Variants in CFAP299 observed in about 807,000 individuals in gnomAD.
The protein encoded by CFAP299 is cilia- and flagella-associated protein 299.
CFAP299 carries 21 observed loss-of-function variants against 27.0 expected under a neutral mutation model. That is an observed-to-expected ratio of 0.78 (90% CI 0.55 to 1.12). The LOEUF (loss-of-function observed/expected upper bound fraction) is 1.12, where lower values mean the gene tolerates loss of function less well. CFAP299 is among the 50% of genes most tolerant of loss of function. CFAP299 has a pLI of 0.00. For synonymous variants in CFAP299, 104 were observed against 98.1 expected, an observed-to-expected ratio of 1.06 and a Z score of -0.36; for missense variants, 310 against 276.6, an observed-to-expected ratio of 1.12 and a Z score of -0.86.
At chr4:80,412,987 T>G (rs1056082717) in intron 2 of CFAP299, among the ~76,000 whole-genome samples, 2 of 152,216 alleles carry the variant, frequency 1.3e-5, no homozygotes, top group African/African-American at 4.8e-5. Context: ...ATTTATTATA[T>G]ATGCATAAAA....
intron 3 of CFAP299, chr4:80,648,928 C>A (rs1247786623): frequency 6.6e-6 from 1 of 151,964 alleles, no homozygotes; most frequent in Non-Finnish European, 1.5e-5. Flanking sequence ...AAACTCTGTC[C>A]AAGCTTTCAA....
chr4:80,673,305 T>C lies in CFAP299; in HGVS notation c.333+90122T>C, dbSNP rs537007058. On this transcript the variant is annotated intron_variant, in intron 3 of 5. Coordinates refer to ENST00000358105, the MANE Select transcript of CFAP299 (RefSeq NM_152770.3). ...TCAGGAGCAGGTTGTTCAGTTTCCA[T>C]GTAGTTGAGCGGTTTTGAGTGAGTT... is the stretch of plus-strand genomic sequence containing the variant. Among the ~76,000 whole-genome samples, 14 of 152,312 alleles carry C rather than the reference T, an allele frequency of 9.2e-5. No homozygotes were observed. The East Asian group carries it at 2.5e-3, about 27-fold the overall frequency.
intron 2 of CFAP299, among the ~76,000 whole-genome samples, chr4:80,538,498 G>A (rs1164046474): frequency 2.6e-5 from 4 of 151,664 alleles, no homozygotes; most frequent in South Asian, 4.2e-4. Flanking sequence ...CTGACTCACC[G>A]AGAGCAACTT....
intron 1 of CFAP299, among the ~76,000 whole-genome samples, chr4:80,346,591 G>A (rs1722739789): frequency 6.6e-6 from 1 of 151,028 alleles, no homozygotes; most frequent in African/African-American, 2.4e-5. Context: ...TTGCATATGT[G>A]TGGTGTTATT....
At chr4:80,449,968 T>G (rs1728819635) in intron 2 of CFAP299, among the ~76,000 whole-genome samples, 1 of 152,174 alleles carries the variant, frequency 6.6e-6, no homozygotes, top group Non-Finnish European at 1.5e-5. Context: ...TCAAATTACT[T>G]ATTTTGTGCT....
intron 3 of CFAP299, among the ~76,000 whole-genome samples, chr4:80,776,148 G>T (rs914928795): frequency 6.6e-6 from 1 of 152,052 alleles, no homozygotes; most frequent in Non-Finnish European, 1.5e-5. Flanking sequence ...AACTGTTTAG[G>T]ACACAAGGAA....
chr4:80,567,089 A>G (rs1735338827), intron 2 of CFAP299, among the ~76,000 whole-genome samples: 1 of 152,074 alleles, frequency 6.6e-6, no homozygotes, highest in Non-Finnish European at 1.5e-5. Flanking sequence ...TGTAGATCTG[A>G]AGACTCCCAC....
intron 5 of CFAP299, among the ~76,000 whole-genome samples, chr4:80,948,550 T>C (rs1737592986): frequency 6.6e-6 from 1 of 152,094 alleles, no homozygotes; most frequent in Admixed American, 6.6e-5. Context: ...ACTTTTTTTT[T>C]ACTTTTCAAA....
At position 80,641,297 on chromosome 4, in the gene CFAP299, C is replaced by T. The variant is rs556912290; in HGVS notation, c.333+58114C>T. Reference sequence around the variant, plus strand: ...TCAGCTCACTACAACCTCTGACTCCCGGGTTCAAGTGATTCTCCTGACTCA... The same window carrying T: ...TCAGCTCACTACAACCTCTGACTCCTGGGTTCAAGTGATTCTCCTGACTCA... On this transcript the variant is annotated intron_variant, in intron 3 of 5. Coordinates refer to ENST00000358105, the MANE Select transcript of CFAP299 (RefSeq NM_152770.3). Among the ~76,000 whole-genome samples the T allele has an allele frequency of 2.6e-4, 40 of 152,202 alleles. 1 individual carries two copies. The highest frequency in any genetic ancestry group is 8.9e-4 in the African/African-American group (37 of 41,530).
At chr4:80,654,547 C>G (rs898111705) in intron 3 of CFAP299, among the ~76,000 whole-genome samples, 9 of 152,144 alleles carry the variant, frequency 5.9e-5, no homozygotes, top group African/African-American at 2.2e-4. Flanking sequence ...AGCATGTCCA[C>G]AGATCCACCT....
intron 3 of CFAP299, among the ~76,000 whole-genome samples, chr4:80,786,031 A>G (rs1204965956): frequency 1.3e-5 from 2 of 152,134 alleles, no homozygotes; most frequent in African/African-American, 2.4e-5. Flanking sequence ...TTAATGTTCA[A>G]AAGGACCTCC....
chr4:80,838,591 C>T (rs950977431), intron 3 of CFAP299, among the ~76,000 whole-genome samples: 77 of 152,146 alleles, frequency 5.1e-4, no homozygotes, highest in Non-Finnish European at 7.2e-4. Context: ...GGTCTTATTT[C>T]GGAGGCCTCT....
chr4:80,659,059 T>C (rs1740700855), intron 3 of CFAP299, among the ~76,000 whole-genome samples: 1 of 152,160 alleles, frequency 6.6e-6, no homozygotes, highest in African/African-American at 2.4e-5. Context: ...TAATTTCAAA[T>C]TTTGGCTTTA....
At chr4:80,856,842 C>T (rs2110153808) in intron 3 of CFAP299, among the ~76,000 whole-genome samples, 1 of 152,116 alleles carries the variant, frequency 6.6e-6, no homozygotes, top group Admixed American at 6.5e-5. Flanking sequence ...TAGCGTGATG[C>T]CTCCAGCTTT....
At chr4:80,568,856 G>A (rs1735443171) in intron 2 of CFAP299, among the ~76,000 whole-genome samples, 1 of 152,098 alleles carries the variant, frequency 6.6e-6, no homozygotes, top group African/African-American at 2.4e-5. Context: ...TGGCTGTAGT[G>A]TACATGTAAT....
chr4:80,435,484 C>T (rs755915273), intron 2 of CFAP299, among the ~76,000 whole-genome samples: 1 of 152,214 alleles, frequency 6.6e-6, no homozygotes, highest in Non-Finnish European at 1.5e-5. Flanking sequence ...AGAACAACAA[C>T]ATGGCCTGAA....
At chr4:80,920,237 A>T (rs554076090) in intron 4 of CFAP299, among the ~76,000 whole-genome samples, 4 of 152,232 alleles carry the variant, frequency 2.6e-5, no homozygotes. Flanking sequence ...CCTCACTTTG[A>T]ATGTGACTCA....
intron 3 of CFAP299, among the ~76,000 whole-genome samples, chr4:80,867,725 G>C (rs1036416842): frequency 2.0e-5 from 3 of 152,158 alleles, no homozygotes; most frequent in African/African-American, 7.2e-5. Flanking sequence ...GCTTGGATTA[G>C]AGCCCACCCT....
intron 2 of CFAP299, among the ~76,000 whole-genome samples, chr4:80,465,075 C>CATGT (rs1320216746): frequency 6.6e-6 from 1 of 151,992 alleles, no homozygotes; most frequent in African/African-American, 2.4e-5. Context: ...AATTCTTGGG[C>CATGT]ATGTGTAGAA....
Sources: allele counts gnomAD v4.1 joint callset (sites outside exome capture counted in the v4.1 genomes callset), GRCh38; gene constraint gnomAD v4.1.1; transcripts MANE v1.5; gene names NCBI Gene and HGNC (gene_info 2026-07-23, HGNC 2026-07-21).